The following YPEL5 variants were observed in gnomAD, a reference collection of about 807,000 sequenced individuals.
YPEL5 encodes the protein yippee like 5, also known as protein yippee-like 5.
Under a neutral mutation model 10.5 loss-of-function variants are expected in YPEL5, and 1 was observed. The ratio of observed to expected loss-of-function variants is 0.10; its 90% CI spans 0.03 to 0.45. The LOEUF (loss-of-function observed/expected upper bound fraction) is 0.45, where lower values mean the gene tolerates loss of function less well. Among genes scored for constraint, YPEL5 ranks in the 20% least tolerant of loss-of-function variants. The pLI is 0.97. For missense variants in YPEL5, 68 were observed against 159.3 expected (o/e 0.43, Z 3.09); for synonymous variants, 61 against 56.6 (o/e 1.08, Z -0.35).
chr2:30,152,429 C>G (rs1194801151), intron 1 of YPEL5, among the ~76,000 whole-genome samples: 1 of 152,158 alleles, frequency 6.6e-6, no homozygotes, highest in Non-Finnish European at 1.5e-5. Flanking sequence ...GGGAGGAAAA[C>G]TTCCAAAAGT....
intron 1 of YPEL5, among the ~76,000 whole-genome samples, chr2:30,155,005 C>T (rs904413362): frequency 1.3e-5 from 2 of 152,164 alleles, no homozygotes; most frequent in African/African-American, 4.8e-5. Flanking sequence ...TCACAAAGTG[C>T]TGGGATTACA....
At chr2:30,154,324 T>C (rs1675943056) in intron 1 of YPEL5, among the ~76,000 whole-genome samples, 1 of 152,178 alleles carries the variant, frequency 6.6e-6, no homozygotes, top group South Asian at 2.1e-4. Flanking sequence ...GTTTGTTGAG[T>C]GTTTTATTTA....
chr2:30,158,890 AC>A lies in YPEL5; in HGVS notation c.*48del. 6.3e-7 allele frequency: 1 copy of A among 1,578,070 alleles called. No individual in the cohort carries two copies. The highest frequency in any genetic ancestry group is 8.7e-7 in the Non-Finnish European group (1 of 1,151,030). ...TTTTCCCAGGTCTCCTTCACTGAAA[AC>A]AAAAATCTACTTACATACACTGTCA... On this transcript the variant is annotated 3_prime_UTR_variant, in exon 3 of 3. Transcript: ENST00000261353.
At position 30,158,822 on chromosome 2, in the gene YPEL5, T is replaced by C. The variant is rs1489394366; in HGVS notation, c.345T>C (p.His115=). The change falls in exon 3 of 3, where the codon CAT becomes CAC. Residue 115 remains histidine (H), a synonymous_variant. Transcript: ENST00000261353. ...LVRESEGFEE[H]VPSDNS ...GAGAGAGTGAGGGCTTTGAGGAGCA[T>C]GTACCATCTGATAACTCTTGAAGAT... 3.7e-6 allele frequency: 6 copies of C among 1,614,192 alleles called. No individual in the cohort carries two copies. The highest frequency in any genetic ancestry group is 1.7e-5 in the Admixed American group (1 of 60,016).
Position 30,158,989 on chromosome 2 carries a change from C to T in YPEL5, c.*146C>T. ...AGAATCTAAGATGGAACCTTTCTTT[C>T]TTTCTTTCTTTTTTTTTAAATTTTG... is the stretch of plus-strand genomic sequence containing the variant. On this transcript the variant is annotated 3_prime_UTR_variant, in exon 3 of 3. Coordinates refer to ENST00000261353, the MANE Select transcript of YPEL5 (RefSeq NM_016061.3). 1.3e-6 allele frequency: 1 copy of T among 759,928 alleles called. No homozygotes were observed. Among genetic ancestry groups the T allele is most frequent in the South Asian group, 1.9e-5 (1 of 52,186 alleles). The allele number at this position is 759,928 out of a possible 1,614,324, so 47.1% of individuals were successfully genotyped here.
chr2:30,151,513 C>A (rs1171215252), intron 1 of YPEL5, among the ~76,000 whole-genome samples: 3 of 152,160 alleles, frequency 2.0e-5, no homozygotes, highest in Non-Finnish European at 1.5e-5. Flanking sequence ...TTCATCCCAG[C>A]CCCTCACTGT....
chr2:30,158,026 ATTG>A (rs1327626024), intron 2 of YPEL5, among the ~76,000 whole-genome samples: 1 of 152,220 alleles, frequency 6.6e-6, no homozygotes, highest in African/African-American at 2.4e-5. Context: ...AGTGTAGAAG[ATTG>A]TTGGGTATTC....
In YPEL5 at chr2:30,158,771, C is replaced by T. The variant is rs760185286; in HGVS notation, c.294C>T (p.Arg98=). The change falls in exon 3 of 3, where the codon CGC becomes CGT. Residue 98 remains arginine (R), a synonymous_variant. Coordinates refer to ENST00000261353, the MANE Select transcript of YPEL5 (RefSeq NM_016061.3). ...ACAGCCAGCGATATAAGGAAGGCCG[C>T]GTGATCCTGGAACGTGCTCTAGTTC... ...TEDSQRYKEG[R]VILERALVRE... is the part of the protein sequence containing the mutation. 6.8e-6 allele frequency: 11 copies of T among 1,614,058 alleles called. No individual in the cohort carries two copies. Among genetic ancestry groups the T allele is most frequent in the Non-Finnish European group, 8.5e-6 (10 of 1,180,034 alleles).
intron 1 of YPEL5, among the ~76,000 whole-genome samples, chr2:30,149,438 C>A (rs7576054): frequency 9.2e-5 from 14 of 152,148 alleles, no homozygotes; most frequent in African/African-American, 3.4e-4. Context: ...ATATTTTGCA[C>A]AAAAATTGGA....
intron 1 of YPEL5, among the ~76,000 whole-genome samples, chr2:30,155,045 T>A (rs1474593977): frequency 6.6e-6 from 1 of 152,202 alleles, no homozygotes; most frequent in East Asian, 1.9e-4. Flanking sequence ...GGCCAAGTGT[T>A]GTATTCTTAA....
At position 30,160,375 on chromosome 2, in the gene YPEL5, A is replaced by G. The variant is rs1676225740; in HGVS notation, c.*1532A>G. The G allele has an allele frequency of 6.6e-6, 1 of 152,238 alleles. No individual in the cohort carries two copies. Among genetic ancestry groups the G allele is most frequent in the South Asian group, 2.1e-4 (1 of 4,838 alleles). The allele number at this position is 152,238 out of a possible 1,614,324, so 9.4% of individuals were successfully genotyped here. On this transcript the variant is annotated 3_prime_UTR_variant, in exon 3 of 3. Coordinates refer to ENST00000261353, the MANE Select transcript of YPEL5 (RefSeq NM_016061.3). The stretch of plus-strand genomic sequence containing the variant: ...ACTGCATTTGAAATAAGTGGACACA[A>G]ACTATCCTTTCTCCACCATGGACTC...
At chr2:30,150,058 GACA>G (rs1367473945) in intron 1 of YPEL5, among the ~76,000 whole-genome samples, 2 of 152,272 alleles carry the variant, frequency 1.3e-5, no homozygotes, top group Admixed American at 1.3e-4. Flanking sequence ...TAATTATAGG[GACA>G]ACAAGTACCT....
chr2:30,157,454 C>T (rs1676093025), intron 2 of YPEL5, among the ~76,000 whole-genome samples: 1 of 152,194 alleles, frequency 6.6e-6, no homozygotes, highest in Non-Finnish European at 1.5e-5. Flanking sequence ...TGGCGTTAAA[C>T]TATTATAACT....
chr2:30,151,075 C>G (rs1309361179), intron 1 of YPEL5, among the ~76,000 whole-genome samples: 1 of 152,084 alleles, frequency 6.6e-6, no homozygotes, highest in Admixed American at 6.6e-5. Context: ...GCCTTCCCAG[C>G]TTTTAAGGAA....
chr2:30,149,776 A>G (rs1374099669), intron 1 of YPEL5, among the ~76,000 whole-genome samples: 1 of 152,206 alleles, frequency 6.6e-6, no homozygotes, highest in Non-Finnish European at 1.5e-5. Flanking sequence ...CAGTCTTTGT[A>G]CCTTGCCTTT....
In YPEL5 at chr2:30,159,294, A is replaced by C. The variant is rs1676177260; in HGVS notation, c.*451A>C. 1 of 170,782 alleles carries C rather than the reference A, an allele frequency of 5.9e-6. No individual in the cohort carries two copies. Among genetic ancestry groups the C allele is most frequent in the East Asian group, 1.7e-4 (1 of 5,974 alleles). The allele number at this position is 170,782 out of a possible 1,614,324, so 10.6% of individuals were successfully genotyped here. A position where few individuals can be genotyped will look rare whatever the true frequency, so the allele number is the denominator to read the frequency against. ...TTGCTAGCTTCAGAGAAGAGATCCG[A>C]ATCTGTGCCCAGCGCTAAAGGCTCA... is the stretch of plus-strand genomic sequence containing the variant. On this transcript the variant is annotated 3_prime_UTR_variant, in exon 3 of 3. Transcript: ENST00000261353.
chr2:30,154,563 A>G (rs1039314277), intron 1 of YPEL5, among the ~76,000 whole-genome samples: 4 of 152,212 alleles, frequency 2.6e-5, no homozygotes, highest in East Asian at 1.9e-4. Context: ...TGTCATCTCA[A>G]CTTTTTAAAA....
At chr2:30,155,414 C>A (rs567666263) in intron 1 of YPEL5, among the ~76,000 whole-genome samples, 2 of 152,194 alleles carry the variant, frequency 1.3e-5, no homozygotes, top group Admixed American at 6.5e-5. Flanking sequence ...GGAATTCCCC[C>A]AATCTTAAGA....
At position 30,159,131 on chromosome 2, in the gene YPEL5, G is replaced by A; in HGVS notation, c.*288G>A. On this transcript the variant is annotated 3_prime_UTR_variant, in exon 3 of 3. Coordinates refer to ENST00000261353, the MANE Select transcript of YPEL5 (RefSeq NM_016061.3). ...TGTCTGCAGCTATGTGGTGAGCTAT[G>A]TAAGGAAAAAAATCTGGGCTGTTAG... 3.2e-6 allele frequency: 1 copy of A among 316,724 alleles called. No individual in the cohort carries two copies. The highest frequency in any genetic ancestry group is 7.3e-5 in the South Asian group (1 of 13,662). The allele number at this position is 316,724 out of a possible 1,614,324, so 19.6% of individuals were successfully genotyped here. A position where few individuals can be genotyped will look rare whatever the true frequency, so the allele number is the denominator to read the frequency against.
Sources: gnomAD v4.1 joint callset for allele counts (sites outside exome capture counted in the v4.1 genomes callset) on GRCh38, gnomAD v4.1.1 for gene constraint, MANE v1.5 for transcripts, NCBI Gene and HGNC (gene_info 2026-07-23, HGNC 2026-07-21) for gene names.